HYAL4: variants seen among roughly 807,000 people sequenced by gnomAD.
HYAL4 encodes the protein hyaluronidase-4.
HYAL4 carries 37 observed loss-of-function variants against 35.2 expected under a neutral mutation model. The observed-to-expected ratio is 1.05, with a 90% CI of 0.81 to 1.38. The LOEUF is 1.38. HYAL4 is among the 40% of genes most tolerant of loss of function. The probability of loss-of-function intolerance (pLI) is 0.00; values close to 1 mark genes in which losing one functional copy is unlikely to be tolerated. For synonymous variants in HYAL4, 198 were observed against 203.2 expected (o/e 0.97, Z 0.22); for missense variants, 572 against 572.4 (o/e 1.00, Z 0.01).
At chr7:123,870,555 A>C (rs1432456928) in intron 3 of HYAL4, among the ~76,000 whole-genome samples, 1 of 152,152 alleles carries the variant, frequency 6.6e-6, no homozygotes, top group East Asian at 1.9e-4. Flanking sequence ...CAAGGTCAGG[A>C]GTTTAAGACC....
At position 123,868,767 on chromosome 7, in the gene HYAL4, A is replaced by G. The variant is rs1806778965; in HGVS notation, c.494A>G (p.Gln165Arg). 6 of 1,614,212 alleles carry G rather than the reference A, an allele frequency of 3.7e-6. No homozygotes were observed. Among genetic ancestry groups the G allele is most frequent in the Middle Eastern group, 1.6e-4 (1 of 6,062 alleles). Residue 165 changes from glutamine (Q) to arginine (R), a missense_variant, in exon 3 of 5, where the codon CAG becomes CGG. Coordinates refer to ENST00000223026, the MANE Select transcript of HYAL4 (RefSeq NM_012269.3). Reference sequence around the variant, plus strand: ...TGGAACTCAAAAGATGTTTACAGACAGAAGTCAAGAAAGCTTATTTCCGAT... The same window carrying G: ...TGGAACTCAAAAGATGTTTACAGACGGAAGTCAAGAAAGCTTATTTCCGAT... ...RNWNSKDVYR[Q>R]KSRKLISDMG...
the HYAL4 span, among the ~76,000 whole-genome samples, chr7:123,805,076 T>C: frequency 2.7e-3 from 414 of 152,244 alleles, 1 homozygote; most frequent in Admixed American, 5.2e-3. Context: ...ATGTAGTGAA[T>C]GGTAAGGGTG....
At chr7:123,830,894 C>A (rs116053427) in intron 1 of HYAL4, among the ~76,000 whole-genome samples, 1,750 of 152,062 alleles carry the variant, frequency 0.012, 36 homozygotes, top group African/African-American at 0.039. Flanking sequence ...ACATCTGAAC[C>A]CTGTGTTGCT....
chr7:123,793,651 G>T, the HYAL4 span, among the ~76,000 whole-genome samples: 1 of 152,148 alleles, frequency 6.6e-6, no homozygotes, highest in Non-Finnish European at 1.5e-5. Flanking sequence ...TGTAAAGAAG[G>T]ATGTGTTTGC....
the HYAL4 span, among the ~76,000 whole-genome samples, chr7:123,769,659 G>A: frequency 6.6e-5 from 10 of 152,178 alleles, no homozygotes; most frequent in African/African-American, 2.4e-4. Flanking sequence ...CCTCCTGAAG[G>A]AGGATCTTGG....
chr7:123,875,668 A>G (rs12113710), intron 4 of HYAL4, among the ~76,000 whole-genome samples: 22,026 of 150,900 alleles, frequency 0.15, 1,777 homozygotes, highest in Non-Finnish European at 0.18. Context: ...AAAAAAAAAA[A>G]AAAAGAAAAA....
intron 1 of HYAL4, among the ~76,000 whole-genome samples, chr7:123,846,732 A>G (rs988996538): frequency 7.2e-5 from 11 of 152,156 alleles, no homozygotes; most frequent in Admixed American, 4.6e-4. Context: ...GTCTTTTCCA[A>G]ATACCTCTGG....
chr7:123,791,362 A>G, the HYAL4 span, among the ~76,000 whole-genome samples: 1 of 152,268 alleles, frequency 6.6e-6, no homozygotes, highest in Non-Finnish European at 1.5e-5. Flanking sequence ...TCATGTAAAT[A>G]GAAAATGATT....
chr7:123,810,090 G>A, the HYAL4 span, among the ~76,000 whole-genome samples: 16 of 152,148 alleles, frequency 1.1e-4, no homozygotes, highest in Non-Finnish European at 2.2e-4. Context: ...AATCTGCCAG[G>A]AGAAAAGACA....
the HYAL4 span, among the ~76,000 whole-genome samples, chr7:123,797,676 T>C: frequency 6.6e-6 from 1 of 152,210 alleles, no homozygotes; most frequent in African/African-American, 2.4e-5. Context: ...CTAGCATATG[T>C]AAACTTTTTT....
chr7:123,805,815 T>A, the HYAL4 span, among the ~76,000 whole-genome samples: 1 of 151,998 alleles, frequency 6.6e-6, no homozygotes, highest in Non-Finnish European at 1.5e-5. Context: ...GCAGGCTTTT[T>A]TGGTAGAAAT....
At chr7:123,780,295 A>G in the HYAL4 span, among the ~76,000 whole-genome samples, 2 of 152,300 alleles carry the variant, frequency 1.3e-5, no homozygotes, top group South Asian at 2.1e-4. Flanking sequence ...TACCCACTGC[A>G]CTACATTGCT....
the HYAL4 span, among the ~76,000 whole-genome samples, chr7:123,804,813 C>G: frequency 6.6e-6 from 1 of 152,322 alleles, no homozygotes; most frequent in African/African-American, 2.4e-5. Flanking sequence ...AGATTATAGA[C>G]ATTATTCCAC....
chr7:123,800,362 G>A, the HYAL4 span, among the ~76,000 whole-genome samples: 1 of 149,650 alleles, frequency 6.7e-6, no homozygotes, highest in South Asian at 2.1e-4. Context: ...GTAGAGACGG[G>A]GTTTCACCGT....
intron 3 of HYAL4, among the ~76,000 whole-genome samples, chr7:123,870,014 G>T (rs1054534216): frequency 1.3e-5 from 2 of 152,188 alleles, no homozygotes; most frequent in East Asian, 1.9e-4. Flanking sequence ...GGATAATTTT[G>T]TGTAACCTTT....
Position 123,868,882 on chromosome 7 carries a change from C to A in HYAL4, c.609C>A (p.Ile203=), listed in dbSNP as rs368821650. Residue 203 remains isoleucine (I), a synonymous_variant, in exon 3 of 5, where the codon ATC becomes ATA. Transcript: ENST00000223026. ...ESAKAFMKET[I]KLGIKSRPKG... ...CAAAAGCTTTCATGAAGGAAACCAT[C>A]AAATTGGGAATTAAGAGCCGACCCA... 3.1e-6 allele frequency: 5 copies of A among 1,614,160 alleles called. No individual in the cohort carries two copies. The highest frequency in any genetic ancestry group is 4.2e-6 in the Non-Finnish European group (5 of 1,180,020).
intron 1 of HYAL4, among the ~76,000 whole-genome samples, chr7:123,830,610 A>G (rs1430650518): frequency 6.6e-6 from 1 of 152,166 alleles, no homozygotes; most frequent in Non-Finnish European, 1.5e-5. Flanking sequence ...GTCTCTTACT[A>G]TTCCATACAA....
intron 2 of HYAL4, among the ~76,000 whole-genome samples, chr7:123,851,940 G>C (rs1005264628): frequency 1.3e-5 from 2 of 152,152 alleles, no homozygotes; most frequent in African/African-American, 4.8e-5. Context: ...ATCCTAACTG[G>C]TGTGAGATGG....
chr7:123,867,566 C>T (rs1389347884), intron 2 of HYAL4, among the ~76,000 whole-genome samples: 2 of 152,072 alleles, frequency 1.3e-5, no homozygotes, highest in Non-Finnish European at 2.9e-5. Context: ...TAAGTTTATT[C>T]AGAAGAAACC....
Sources: allele counts gnomAD v4.1 joint callset (sites outside exome capture counted in the v4.1 genomes callset), GRCh38; gene constraint gnomAD v4.1.1; transcripts MANE v1.5; gene names NCBI Gene and HGNC (gene_info 2026-07-23, HGNC 2026-07-21).